Variants in ZDHHC21 observed in about 807,000 individuals in gnomAD.
ZDHHC21 encodes the protein palmitoyltransferase ZDHHC21.
Under a neutral mutation model 34.6 loss-of-function variants are expected in ZDHHC21, and 15 were observed. That is an observed-to-expected ratio of 0.43 (90% CI 0.29 to 0.67). ZDHHC21 has a LOEUF of 0.67. Among genes scored for constraint, ZDHHC21 ranks in the 30% least tolerant of loss-of-function variants. ZDHHC21 has a pLI of 0.14. For missense variants in ZDHHC21, 344 were observed against 327.7 expected (o/e 1.05, Z -0.38); for synonymous variants, 142 against 101.8 (o/e 1.40, Z -2.38).
chr9:14,628,985 T>G (rs1295981968), intron 8 of ZDHHC21, among the ~76,000 whole-genome samples: 1 of 152,142 alleles, frequency 6.6e-6, no homozygotes, highest in Non-Finnish European at 1.5e-5. Flanking sequence ...GGGTAACGCT[T>G]GAGGTTCACT....
chr9:14,691,019 C>T (rs935700739), intron 1 of ZDHHC21, among the ~76,000 whole-genome samples: 25 of 152,236 alleles, frequency 1.6e-4, no homozygotes, highest in African/African-American at 5.5e-4. Context: ...AGGGAACAAA[C>T]TCTTGGCAAT....
At chr9:14,689,927 T>TA (rs897392520) in intron 2 of ZDHHC21, among the ~76,000 whole-genome samples, 4 of 152,066 alleles carry the variant, frequency 2.6e-5, no homozygotes, top group African/African-American at 9.7e-5. Context: ...TGTGGGGTGA[T>TA]ACGAATTAAA....
chr9:14,664,908 C>T (rs977349340), intron 5 of ZDHHC21, among the ~76,000 whole-genome samples: 5 of 151,660 alleles, frequency 3.3e-5, no homozygotes, highest in African/African-American at 9.7e-5. Flanking sequence ...AAAAACAGAA[C>T]AGAAAAACTG....
chr9:14,639,854 A>T (rs1829013283), intron 8 of ZDHHC21, 42 bp downstream of exon 8: 1 of 1,160,118 alleles, frequency 8.6e-7, no homozygotes, highest in Non-Finnish European at 1.2e-6. Flanking sequence ...ATAATTAGGT[A>T]ATATATTCAT....
intron 7 of ZDHHC21, among the ~76,000 whole-genome samples, chr9:14,642,477 T>C (rs1401777402): frequency 2.0e-5 from 3 of 152,214 alleles, no homozygotes; most frequent in Non-Finnish European, 4.4e-5. Flanking sequence ...AAAATTCCTA[T>C]GTTGAAGCCC....
At position 14,660,894 on chromosome 9, in the gene ZDHHC21, G is replaced by C. The variant is rs114680518; in HGVS notation, c.365+1321C>G. On this transcript the variant is annotated intron_variant, in intron 6 of 9. Transcript: ENST00000380916. The stretch of plus-strand genomic sequence containing the variant: ...AATAAGAAACTCTACAATAAGAAGC[G>C]CTTAAAAACTGAGCTTTTCTGTATG... 4.5e-3 allele frequency among the ~76,000 whole-genome samples: 681 copies of C among 152,040 alleles called. 8 individuals carry two copies. Among genetic ancestry groups the C allele is most frequent in the African/African-American group, 0.016 (643 of 41,468 alleles).
chr9:14,645,891 A>T (rs1369134215), intron 7 of ZDHHC21, among the ~76,000 whole-genome samples: 2 of 152,144 alleles, frequency 1.3e-5, no homozygotes, highest in African/African-American at 4.8e-5. Context: ...CCAAATGGCT[A>T]ATGTTAAGAA....
chr9:14,665,573 A>G (rs1223715008), intron 5 of ZDHHC21, among the ~76,000 whole-genome samples: 8 of 150,984 alleles, frequency 5.3e-5, no homozygotes, highest in African/African-American at 1.5e-4. Context: ...GAAATGAAGG[A>G]AAAAATGTTA....
chr9:14,654,474 ATTCTAAC>A (rs1831830862), intron 7 of ZDHHC21, among the ~76,000 whole-genome samples: 1 of 152,054 alleles, frequency 6.6e-6, no homozygotes, highest in Non-Finnish European at 1.5e-5. Context: ...AATGCTCAGT[ATTCTAAC>A]TTAGACATGT....
chr9:14,681,015 G>C (rs1837281523), intron 2 of ZDHHC21, among the ~76,000 whole-genome samples: 2 of 152,138 alleles, frequency 1.3e-5, no homozygotes, highest in Non-Finnish European at 2.9e-5. Context: ...AAGGCATAAA[G>C]GCAGGCAGAG....
At chr9:14,589,680 G>A in the ZDHHC21 span, 1 of 152,186 alleles carries the variant, frequency 6.6e-6, no homozygotes, top group Non-Finnish European at 1.5e-5. Context: ...TTCACACAGG[G>A]TTGGAGACAT....
At chr9:14,678,799 TC>T (rs1836867833) in intron 3 of ZDHHC21, among the ~76,000 whole-genome samples, 1 of 152,046 alleles carries the variant, frequency 6.6e-6, no homozygotes, top group African/African-American at 2.4e-5. Context: ...TCAAATAAAT[TC>T]TAATACACCC....
chr9:14,595,118 A>G, the ZDHHC21 span, among the ~76,000 whole-genome samples: 1 of 152,210 alleles, frequency 6.6e-6, no homozygotes, highest in African/African-American at 2.4e-5. Flanking sequence ...AGTTTATTAA[A>G]AAATTAAATA....
At chr9:14,634,476 A>C (rs2382489) in intron 8 of ZDHHC21, among the ~76,000 whole-genome samples, 1 of 151,844 alleles carries the variant, frequency 6.6e-6, no homozygotes, top group Non-Finnish European at 1.5e-5. Flanking sequence ...TGCTGCCACC[A>C]CTAAGGACTA....
At chr9:14,642,506 A>G (rs1829541900) in intron 7 of ZDHHC21, among the ~76,000 whole-genome samples, 1 of 152,214 alleles carries the variant, frequency 6.6e-6, no homozygotes, top group Admixed American at 6.5e-5. Context: ...GTACCTTAGA[A>G]TATGACTGTA....
At chr9:14,681,715 A>T (rs975469825) in intron 2 of ZDHHC21, among the ~76,000 whole-genome samples, 2 of 138,888 alleles carry the variant, frequency 1.4e-5, no homozygotes, top group Non-Finnish European at 3.1e-5. Context: ...AAAAATGGTA[A>T]CTTATAAGGG....
chr9:14,632,682 A>G (rs1285248675), intron 8 of ZDHHC21, among the ~76,000 whole-genome samples: 104 of 9,352 alleles, frequency 0.011, 44 homozygotes, highest in African/African-American at 0.04. Flanking sequence ...AATATTTGCA[A>G]ATCACATATT....
At position 14,611,600 on chromosome 9, in the gene ZDHHC21, T is replaced by G. The variant is rs559555535; in HGVS notation, c.*7366A>C. ...GTAACATACCACTATTAAAAGCATT[T>G]TAGGGATATAATACTAGACAGAACT... On this transcript the variant is annotated 3_prime_UTR_variant, in exon 10 of 10. Coordinates refer to ENST00000380916, the MANE Select transcript of ZDHHC21 (RefSeq NM_178566.6). The G allele has an allele frequency of 6.7e-4, 102 of 152,116 alleles. No individual in the cohort carries two copies. The highest frequency in any genetic ancestry group is 2.3e-3 in the African/African-American group (97 of 41,536). 9.4% of individuals were successfully genotyped at this position (152,116 alleles called of 1,614,324 possible).
At chr9:14,644,300 C>A (rs1347267487) in intron 7 of ZDHHC21, among the ~76,000 whole-genome samples, 2 of 152,124 alleles carry the variant, frequency 1.3e-5, no homozygotes, top group African/African-American at 4.8e-5. Flanking sequence ...TATACAGTTA[C>A]ATCATCTATG....
Sources: gnomAD v4.1 joint callset for allele counts (sites outside exome capture counted in the v4.1 genomes callset) on GRCh38, gnomAD v4.1.1 for gene constraint, MANE v1.5 for transcripts, NCBI Gene and HGNC (gene_info 2026-07-23, HGNC 2026-07-21) for gene names.